SIN3A: variants seen among roughly 807,000 people sequenced by gnomAD.
SIN3A encodes SIN3 transcription regulator family member A.
Under a neutral mutation model 146.1 loss-of-function variants are expected in SIN3A, and 14 were observed. That is an observed-to-expected ratio of 0.10 (90% CI 0.06 to 0.15). The LOEUF (loss-of-function observed/expected upper bound fraction) is 0.15, where lower values mean the gene tolerates loss of function less well. Ranked by LOEUF, SIN3A falls within the 10% of genes least tolerant of loss-of-function variation. SIN3A has a pLI of 1.00. For synonymous variants in SIN3A, 572 were observed against 572.0 expected (o/e 1.00, Z 0.00); for missense variants, 1,028 against 1,576.0 (o/e 0.65, Z 5.89).
chr15:75,380,527 A>G (rs1214650255), intron 19 of SIN3A, 102 bp downstream of exon 19: 1 of 873,954 alleles, frequency 1.1e-6, no homozygotes, highest in Non-Finnish European at 1.9e-6. Context: ...GATAGAACAA[A>G]TGAATAAAAT....
rs531427649 is a variant in SIN3A, at chr15:75,392,432, A to G, written c.2661T>C (p.Tyr887=). ...RGMDEVYNLF[Y]VNNNWYIFMR... is the part of the protein sequence containing the mutation. ...TAAAAATATACCAGTTGTTGTTGAC[A>G]TAGAAGAGGTTGTATACTTCATCCA... is the stretch of plus-strand genomic sequence containing the variant. The change falls in exon 15 of 21, where the codon TAT becomes TAC. Residue 887 remains tyrosine, a synonymous_variant. Coordinates refer to ENST00000394947, the MANE Select transcript of SIN3A (RefSeq NM_001145358.2). 1 of 1,614,260 alleles carries G rather than the reference A, an allele frequency of 6.2e-7. No homozygotes were observed. Among genetic ancestry groups the G allele is most frequent in the South Asian group, 1.1e-5 (1 of 91,084 alleles).
chr15:75,454,459 T>G (rs1026675972), upstream of SIN3A, among the ~76,000 whole-genome samples: 1 of 150,848 alleles, frequency 6.6e-6, no homozygotes, highest in African/African-American at 2.4e-5. Flanking sequence ...ACTGGGCCCC[T>G]GCGCCGCCTC....
chr15:75,409,917 T>A lies in SIN3A; in HGVS notation c.1236A>T (p.Gln412His), dbSNP rs559808137. 4 of 1,614,092 alleles carry A rather than the reference T, an allele frequency of 2.5e-6. No individual in the cohort carries two copies. The East Asian group carries it at 8.9e-5, about 36-fold the overall frequency. ...TGGGCCTCTGCGGCTTGTTGTTCAGTTGGGGCTTCTTGACAGTGCCTCCAT... is the reference window on the plus strand; with the variant it reads ...TGGGCCTCTGCGGCTTGTTGTTCAGATGGGGCTTCTTGACAGTGCCTCCAT... ...NDHGGTVKKP[Q>H]LNNKPQRPSQ... Residue 412 changes from glutamine to histidine, a missense_variant, in exon 8 of 21, where the codon CAA (glutamine) becomes CAT (histidine). Physicochemically the swap from Gln to His is conservative, Grantham distance 24. Transcript: ENST00000394947.
At chr15:75,455,738 C>G (rs2074479029), upstream of SIN3A, 1 of 152,234 alleles carries the variant, frequency 6.6e-6, no homozygotes, top group Admixed American at 6.5e-5. Flanking sequence ...ACTAGCCCCC[C>G]AAACGCCTGA....
intron 8 of SIN3A, among the ~76,000 whole-genome samples, chr15:75,408,780 G>A (rs1030460906): frequency 1.3e-5 from 2 of 152,236 alleles, no homozygotes; most frequent in African/African-American, 4.8e-5. Context: ...GAGCAGGACA[G>A]GGTTCTAGAC....
upstream of SIN3A, chr15:75,454,094 CCAAT>C (rs1393687719): frequency 6.6e-6 from 1 of 152,164 alleles, no homozygotes; most frequent in African/African-American, 2.4e-5. Context: ...ACCCGCCCCA[CCAAT>C]CAGAGGCGGG....
chr15:75,429,583 T>C lies in SIN3A; in HGVS notation c.189+604A>G, dbSNP rs370277067. On this transcript the variant is annotated intron_variant, in intron 2 of 20. Coordinates refer to ENST00000394947, the MANE Select transcript of SIN3A (RefSeq NM_001145358.2). ...AAAATAAATAGCAAAACTGTCTTAA[T>C]AAGTGCGTTGATTTAAATTCTGGCA... Among the ~76,000 whole-genome samples the C allele has an allele frequency of 1.2e-4, 19 of 152,352 alleles. No individual in the cohort carries two copies. In the East Asian group the frequency reaches 3.7e-3, roughly 29 times the overall value.
At chr15:75,411,771 T>A in intron 5 of SIN3A, 28 bp from the exon 6 acceptor site, 3 of 1,545,850 alleles carry the variant, frequency 1.9e-6, no homozygotes, top group Non-Finnish European at 2.6e-6. Context: ...CTTTATTCTC[T>A]TCAGATGCAT....
intron 12 of SIN3A, among the ~76,000 whole-genome samples, chr15:75,396,880 T>G (rs1287759050): frequency 1.3e-5 from 2 of 152,200 alleles, no homozygotes; most frequent in Non-Finnish European, 2.9e-5. Flanking sequence ...TACTGAAACG[T>G]TTCCCTGAAC....
rs1001620151 is a variant in SIN3A, at chr15:75,400,869, T to A, written c.1598A>T (p.Tyr533Phe). The change falls in exon 11 of 21, where the codon TAT (tyrosine) becomes TTT (phenylalanine). Residue 533 changes from tyrosine (Y) to phenylalanine (F), a missense_variant. Physicochemically the swap from Tyr to Phe is conservative, Grantham distance 22. Around this residue, in one of 9 missense-constraint regions of SIN3A, gnomAD observed 157 missense variants for 284.8 expected, o/e 0.55. Transcript: ENST00000394947. Reference sequence around the variant, plus strand: ...GCCCTCTGTGGCTCGCTCCTTTGGATAAGTTTCCAGATGTACAGACTCCTT... The same window carrying A: ...GCCCTCTGTGGCTCGCTCCTTTGGAAAAGTTTCCAGATGTACAGACTCCTT... ...GYKESVHLET[Y>F]PKERATEGIA... The A allele has an allele frequency of 6.2e-7, 1 of 1,614,022 alleles. No homozygotes were observed. The highest frequency in any genetic ancestry group is 8.5e-7 in the Non-Finnish European group (1 of 1,180,000).
At chr15:75,376,822 T>C (rs1409318062) in intron 19 of SIN3A, among the ~76,000 whole-genome samples, 2 of 145,768 alleles carry the variant, frequency 1.4e-5, no homozygotes, top group Non-Finnish European at 3.0e-5. Flanking sequence ...ATCCCACCAC[T>C]GTACTATAGC....
intron 20 of SIN3A, among the ~76,000 whole-genome samples, chr15:75,374,288 G>A (rs2072813099): frequency 6.6e-6 from 1 of 152,128 alleles, no homozygotes; most frequent in Non-Finnish European, 1.5e-5. Context: ...TTGAGGTCAG[G>A]TTCGAGACCA....
At chr15:75,401,201 A>C (rs2073404529) in intron 10 of SIN3A, among the ~76,000 whole-genome samples, 1 of 152,182 alleles carries the variant, frequency 6.6e-6, no homozygotes, top group Admixed American at 6.5e-5. Context: ...ATATTGCTTT[A>C]ATGTTCACAT....
chr15:75,422,480 C>T, intron 3 of SIN3A, 167 bp downstream of exon 3: 1 of 747,770 alleles, frequency 1.3e-6, no homozygotes, highest in South Asian at 1.6e-5. Context: ...GGCACTGATG[C>T]CAAGATAGGA....
At chr15:75,393,510 G>A (rs889805351) in intron 14 of SIN3A, among the ~76,000 whole-genome samples, 1 of 152,058 alleles carries the variant, frequency 6.6e-6, no homozygotes, top group African/African-American at 2.4e-5. Flanking sequence ...CTGAGTAGCT[G>A]GGATTAAGAA....
intron 5 of SIN3A, 68 bp from the exon 6 acceptor site, chr15:75,411,811 T>C: frequency 1.3e-6 from 2 of 1,482,052 alleles, no homozygotes; most frequent in Non-Finnish European, 1.8e-6. Flanking sequence ...AAGTTCAAAC[T>C]AAAGAGAAAC....
chr15:75,389,886 G>A (rs2073165698), intron 15 of SIN3A, 65 bp from the exon 16 acceptor site: 2 of 1,504,004 alleles, frequency 1.3e-6, no homozygotes, highest in South Asian at 1.2e-5. Flanking sequence ...TAGAGTACAG[G>A]GCAAATCCCA....
intron 3 of SIN3A, 26 bp from the exon 4 acceptor site, chr15:75,414,337 T>C: frequency 7.7e-7 from 1 of 1,301,542 alleles, no homozygotes; most frequent in Non-Finnish European, 1.0e-6. Context: ...ATATCAAGGT[T>C]ATAAAAAGAA....
rs367853905 is a variant in SIN3A at position 75,401,979 on chromosome 15, G to A, written c.1408-9C>T. The A allele has an allele frequency of 5.2e-6, 8 of 1,548,238 alleles. No homozygotes were observed. The highest frequency in any genetic ancestry group is 4.1e-5 in the African/African-American group (3 of 73,202). On this transcript the variant is annotated splice_polypyrimidine_tract_variant and intron_variant, in intron 9 of 20. Coordinates refer to ENST00000394947, the MANE Select transcript of SIN3A (RefSeq NM_001145358.2). Reference sequence around the variant, plus strand: ...CGAAGAGCCTTTCGGACCTTATGGAGACAACGGGAAGAAAAACAGTTTTTG... The same window carrying A: ...CGAAGAGCCTTTCGGACCTTATGGAAACAACGGGAAGAAAAACAGTTTTTG...
Sources: gnomAD v4.1 joint callset for allele counts (sites outside exome capture counted in the v4.1 genomes callset) on GRCh38, gnomAD v4.1.1 for gene constraint, gnomAD v4.1.1 regional missense constraint, MANE v1.5 for transcripts, NCBI Gene and HGNC (gene_info 2026-07-23, HGNC 2026-07-21) for gene names.